The following CAPN7 variants were observed in gnomAD, a reference collection of about 807,000 sequenced individuals.
CAPN7 encodes calpain 7, also known as calpain-7.
CAPN7 carries 72 observed loss-of-function variants against 115.2 expected under a neutral mutation model. That is an observed-to-expected ratio of 0.63 (90% CI 0.52 to 0.76). The LOEUF is 0.76. Ranked by LOEUF, CAPN7 falls within the 30% of genes least tolerant of loss-of-function variation. The probability of loss-of-function intolerance (pLI) is 0.00; values close to 1 mark genes in which losing one functional copy is unlikely to be tolerated. For synonymous variants in CAPN7, 344 were observed against 322.3 expected (o/e 1.07, Z -0.72); for missense variants, 905 against 971.5 (o/e 0.93, Z 0.91).
chr3:15,239,810 TTC>T (rs1695233169), intron 12 of CAPN7, among the ~76,000 whole-genome samples: 1 of 152,230 alleles, frequency 6.6e-6, no homozygotes. Context: ...TCCCATTTTA[TTC>T]TGACCCCAAA....
Position 15,206,602 on chromosome 3 carries a change from G to A in CAPN7, c.102+5G>A. 3.2e-6 allele frequency: 5 copies of A among 1,540,010 alleles called. No individual in the cohort carries two copies. The South Asian group carries it at 4.8e-5, about 15-fold the overall frequency. The stretch of plus-strand genomic sequence containing the variant: ...GAGGCGGTGTTTTATTACAAGGTAG[G>A]GCCGGGCCCGGCGCTTCGGTCGGAG... On this transcript the variant is annotated splice_donor_5th_base_variant and intron_variant, in intron 1 of 20. Transcript: ENST00000253693.
intron 12 of CAPN7, among the ~76,000 whole-genome samples, chr3:15,237,344 G>T (rs1285569609): frequency 6.6e-6 from 1 of 152,164 alleles, no homozygotes; most frequent in African/African-American, 2.4e-5. Context: ...ATTGGCAATA[G>T]AACTTTTCCA....
intron 6 of CAPN7, among the ~76,000 whole-genome samples, chr3:15,224,617 A>G (rs1173880540): frequency 6.6e-6 from 1 of 151,850 alleles, no homozygotes; most frequent in Non-Finnish European, 1.5e-5. Context: ...GAAAAAAAAA[A>G]TGATGTGGAG....
Position 15,240,628 on chromosome 3 carries a change from C to A in CAPN7, c.1552+11C>A. On this transcript the variant is annotated intron_variant, in intron 13 of 20. Transcript: ENST00000253693. Reference sequence around the variant, plus strand: ...AGAAAATAGACAACGGTAAATATATCTTTTTAATTTTAATACCATTTATTC... The same window carrying A: ...AGAAAATAGACAACGGTAAATATATATTTTTAATTTTAATACCATTTATTC... 6.3e-7 allele frequency: 1 copy of A among 1,580,312 alleles called. No individual in the cohort carries two copies. The highest frequency in any genetic ancestry group is 8.6e-7 in the Non-Finnish European group (1 of 1,168,072).
At chr3:15,233,237 A>G (rs1694796820) in intron 10 of CAPN7, among the ~76,000 whole-genome samples, 1 of 152,226 alleles carries the variant, frequency 6.6e-6, no homozygotes. Flanking sequence ...TGAAAATTGC[A>G]TCTTTATTCC....
chr3:15,240,959 C>G (rs1695307334), intron 14 of CAPN7, 106 bp downstream of exon 14: 3 of 683,598 alleles, frequency 4.4e-6, no homozygotes, highest in Non-Finnish European at 7.4e-6. Flanking sequence ...AATCCCAGCA[C>G]TTTGGGAGGC....
At chr3:15,216,529 C>T (rs907155711) in intron 2 of CAPN7, among the ~76,000 whole-genome samples, 3 of 151,942 alleles carry the variant, frequency 2.0e-5, no homozygotes, top group African/African-American at 7.3e-5. Context: ...ATACATGTTT[C>T]TTATAGATAC....
intron 11 of CAPN7, among the ~76,000 whole-genome samples, chr3:15,234,509 A>G (rs780883620): frequency 1.3e-5 from 2 of 152,138 alleles, no homozygotes; most frequent in Non-Finnish European, 2.9e-5. Context: ...GATAATCCAA[A>G]ATATTAGAAT....
chr3:15,206,620 GGTCGGAGTTGCTCA>G (rs1181867241), intron 1 of CAPN7, 23 bp downstream of exon 1: 5 of 1,517,278 alleles, frequency 3.3e-6, no homozygotes, highest in Non-Finnish European at 4.5e-6. Flanking sequence ...CCGGCGCTTC[GGTCGGAGTTGCTCA>G]GTCGGAGTGC....
chr3:15,230,426 A>C lies in CAPN7; in HGVS notation c.939-16A>C, dbSNP rs771024860. ...TACTAATGTTGGTATTTTAATATTT[A>C]TTTTTCTTACAAAAGCATAATTTAC... On this transcript the variant is annotated splice_polypyrimidine_tract_variant and intron_variant, in intron 8 of 20. Coordinates refer to ENST00000253693, the MANE Select transcript of CAPN7 (RefSeq NM_014296.3). 2.0e-6 allele frequency: 3 copies of C among 1,534,454 alleles called. No individual in the cohort carries two copies. The South Asian group carries it at 3.4e-5, about 17-fold the overall frequency.
At chr3:15,243,683 G>C (rs1695487863) in intron 16 of CAPN7, among the ~76,000 whole-genome samples, 1 of 151,954 alleles carries the variant, frequency 6.6e-6, no homozygotes, top group Non-Finnish European at 1.5e-5. Context: ...ATTGATGTTT[G>C]AGAAATCAAA....
chr3:15,219,830 C>T (rs1186987872), intron 4 of CAPN7, among the ~76,000 whole-genome samples: 1 of 152,178 alleles, frequency 6.6e-6, no homozygotes. Flanking sequence ...GTCTGTGATC[C>T]AGCCCCTGCT....
intron 9 of CAPN7, chr3:15,232,297 A>C (rs954931012): frequency 2.4e-6 from 1 of 418,706 alleles, no homozygotes; most frequent in African/African-American, 2.1e-5. Flanking sequence ...CAATTGATTG[A>C]AGGTTATCAT....
intron 18 of CAPN7, 166 bp from the exon 19 acceptor site, chr3:15,247,161 G>T: frequency 1.7e-6 from 1 of 591,900 alleles, no homozygotes. Flanking sequence ...GGGGTTAGTG[G>T]AGCAAAGCAG....
At chr3:15,243,582 A>C (rs1170073910) in intron 16 of CAPN7, among the ~76,000 whole-genome samples, 4 of 152,180 alleles carry the variant, frequency 2.6e-5, no homozygotes, top group African/African-American at 9.7e-5. Flanking sequence ...CCACAAAAGA[A>C]TTTGAACAGA....
intron 4 of CAPN7, 60 bp from the exon 5 acceptor site, chr3:15,220,721 C>T: frequency 6.6e-7 from 1 of 1,517,796 alleles, no homozygotes; most frequent in Non-Finnish European, 9.1e-7. Context: ...ATTTTGTTTC[C>T]TGAAAAGCTT....
intron 10 of CAPN7, among the ~76,000 whole-genome samples, chr3:15,233,029 T>G (rs1694782727): frequency 6.6e-6 from 1 of 152,214 alleles, no homozygotes; most frequent in African/African-American, 2.4e-5. Context: ...CCTATAAGAT[T>G]GAGGTGTCTT....
At chr3:15,207,278 T>C (rs1238961441) in intron 1 of CAPN7, among the ~76,000 whole-genome samples, 1 of 152,030 alleles carries the variant, frequency 6.6e-6, no homozygotes, top group Non-Finnish European at 1.5e-5. Context: ...AAAGGTACAG[T>C]AAACATGCAG....
At position 15,206,591 on chromosome 3, in the gene CAPN7, T is replaced by G; in HGVS notation, c.96T>G (p.Tyr32Ter). The G allele has an allele frequency of 1.3e-6, 2 of 1,547,884 alleles. No homozygotes were observed. Among genetic ancestry groups the G allele is most frequent in the Non-Finnish European group, 1.7e-6 (2 of 1,145,778 alleles). Residue 32 changes from tyrosine to a stop codon, truncating the protein, a stop_gained, in exon 1 of 21, where the codon TAT (tyrosine) becomes TAG (stop). Transcript: ENST00000253693. LOFTEE classifies it high-confidence loss of function. ...GCCGCTACTCCGAGGCGGTGTTTTA[T>G]TACAAGGTAGGGCCGGGCCCGGCGC... ...HEGRYSEAVF[Y>*]YKEAAQALIY... is the part of the protein sequence containing the mutation.
Sources: allele counts gnomAD v4.1 joint callset (sites outside exome capture counted in the v4.1 genomes callset), GRCh38; gene constraint gnomAD v4.1.1; transcripts MANE v1.5; gene names NCBI Gene and HGNC (gene_info 2026-07-23, HGNC 2026-07-21).